Variants in ZKSCAN1 observed in about 807,000 individuals in gnomAD.
The protein encoded by ZKSCAN1 is zinc finger protein with KRAB and SCAN domains 1.
ZKSCAN1 carries 14 observed loss-of-function variants against 51.6 expected under a neutral mutation model. That is an observed-to-expected ratio of 0.27 (90% CI 0.18 to 0.42). The LOEUF (loss-of-function observed/expected upper bound fraction) is 0.42. ZKSCAN1 is among the 10% of genes least tolerant of loss of function. The probability of loss-of-function intolerance (pLI) is 1.00; values close to 1 mark genes in which losing one functional copy is unlikely to be tolerated. For missense variants in ZKSCAN1, 531 were observed against 710.0 expected, an observed-to-expected ratio of 0.75 and a Z score of 2.86; for synonymous variants, 263 against 261.5, an observed-to-expected ratio of 1.01 and a Z score of -0.06.
At chr7:100,022,007 G>A (rs1182197727) in intron 1 of ZKSCAN1, among the ~76,000 whole-genome samples, 2 of 152,000 alleles carry the variant, frequency 1.3e-5, no homozygotes, top group East Asian at 3.9e-4. Context: ...CCTCCCAAAG[G>A]GCTGGAATTA....
intron 1 of ZKSCAN1, among the ~76,000 whole-genome samples, chr7:100,016,137 C>A (rs1250881230): frequency 6.6e-6 from 1 of 152,130 alleles, no homozygotes; most frequent in Non-Finnish European, 1.5e-5. Flanking sequence ...GTCTTTTTCC[C>A]CCCCCGGTTC....
chr7:100,034,008 C>G lies in ZKSCAN1; in HGVS notation c.1503C>G (p.Asn501Lys), dbSNP rs1383246591. ...CSECGKAFNR[N>K]SYLILHRRIH... Reference sequence around the variant, plus strand: ...AATGTGGAAAAGCTTTCAACCGAAACTCATACCTGATTTTGCATCGGAGAA... The same window carrying G: ...AATGTGGAAAAGCTTTCAACCGAAAGTCATACCTGATTTTGCATCGGAGAA... The change falls in exon 6 of 6, where the codon AAC becomes AAG. Residue 501 changes from asparagine to lysine, a missense_variant. By Grantham distance (94) the Asn-to-Lys change is moderately conservative. Coordinates refer to ENST00000324306, the MANE Select transcript of ZKSCAN1 (RefSeq NM_003439.4). 1.2e-6 allele frequency: 2 copies of G among 1,614,210 alleles called. No individual in the cohort carries two copies. The highest frequency in any genetic ancestry group is 2.2e-5 in the East Asian group (1 of 44,888).
Position 100,033,200 on chromosome 7 carries a change from A to G in ZKSCAN1, c.800-105A>G. ...GGAAATAAAAATAAAAATATTGCAA[A>G]GTCATTTTGCAGCCGTGTAGAAGCT... On this transcript the variant is annotated intron_variant, in intron 5 of 5. Coordinates refer to ENST00000324306, the MANE Select transcript of ZKSCAN1 (RefSeq NM_003439.4). This position sits in a 1 kb window ranked among gnomAD's most constrained non-coding sequence, Gnocchi z 4.1. 2 of 1,451,928 alleles carry G rather than the reference A, an allele frequency of 1.4e-6. No homozygotes were observed. Among genetic ancestry groups the G allele is most frequent in the Admixed American group, 5.8e-5 (2 of 34,292 alleles). 89.9% of individuals were successfully genotyped at this position (1,451,928 alleles called of 1,614,324 possible).
In ZKSCAN1 at chr7:100,037,846, T is replaced by C; in HGVS notation, c.*3649T>C. On this transcript the variant is annotated 3_prime_UTR_variant, in exon 6 of 6. Transcript: ENST00000324306. ...GCCTGGCCAACATGGTGAAACCTTG[T>C]CTCTACTAAAAATACAAAAAAAAAT... 1 of 689,500 alleles carries C rather than the reference T, an allele frequency of 1.5e-6. No homozygotes were observed. The highest frequency in any genetic ancestry group is 1.8e-6 in the Non-Finnish European group (1 of 560,508). 42.7% of individuals were successfully genotyped at this position (689,500 alleles called of 1,614,324 possible).
At chr7:100,025,303 CAGAG>C (rs1004856225) in intron 3 of ZKSCAN1, among the ~76,000 whole-genome samples, 3 of 130,052 alleles carry the variant, frequency 2.3e-5, no homozygotes, top group African/African-American at 8.7e-5. Flanking sequence ...GCCTGGGTGA[CAGAG>C]AGTCTGTTTC....
intron 1 of ZKSCAN1, among the ~76,000 whole-genome samples, chr7:100,021,320 CGAT>C (rs2115833217): frequency 6.6e-6 from 1 of 151,794 alleles, no homozygotes; most frequent in East Asian, 1.9e-4. Context: ...CGGGGTTTCA[CGAT>C]GATGGCCAAG....
At chr7:100,024,375 G>A in intron 3 of ZKSCAN1, 68 bp downstream of exon 3, 1 of 1,557,832 alleles carries the variant, frequency 6.4e-7, no homozygotes, top group African/African-American at 1.4e-5. Context: ...GCTGCTGAGT[G>A]CCTGTGATGA....
rs376585197 is a variant in ZKSCAN1, at chr7:100,024,108, C to T, written c.427-46C>T. On this transcript the variant is annotated intron_variant, in intron 2 of 5. Coordinates refer to ENST00000324306, the MANE Select transcript of ZKSCAN1 (RefSeq NM_003439.4). ...GTCTGTTTTTAAATATTTTAATTCC[C>T]ATTTACAAAGTGATTTACCCACAAG... is the stretch of plus-strand genomic sequence containing the variant. 4.1e-5 allele frequency: 65 copies of T among 1,569,174 alleles called. No individual in the cohort carries two copies. The Middle Eastern group carries it at 5.1e-4, about 12-fold the overall frequency.
At position 100,040,139 on chromosome 7, in the gene ZKSCAN1, C is replaced by T; in HGVS notation, c.*5942C>T. The T allele has an allele frequency of 2.0e-6, 2 of 982,116 alleles. No individual in the cohort carries two copies. Among genetic ancestry groups the T allele is most frequent in the Non-Finnish European group, 1.2e-6 (1 of 826,964 alleles). 60.8% of individuals were successfully genotyped at this position (982,116 alleles called of 1,614,324 possible). On this transcript the variant is annotated 3_prime_UTR_variant, in exon 6 of 6. Transcript: ENST00000324306. ...GGGAGGTAAGCCATCTCCAACTCTG[C>T]AGGTCAAACGAAAGTTTGGGAAATA...
At position 100,039,427 on chromosome 7, in the gene ZKSCAN1, C is replaced by G; in HGVS notation, c.*5230C>G. 2 of 985,386 alleles carry G rather than the reference C, an allele frequency of 2.0e-6. No individual in the cohort carries two copies. The highest frequency in any genetic ancestry group is 2.4e-6 in the Non-Finnish European group (2 of 829,928). 61.0% of individuals were successfully genotyped at this position (985,386 alleles called of 1,614,324 possible). On this transcript the variant is annotated 3_prime_UTR_variant, in exon 6 of 6. Transcript: ENST00000324306. The stretch of plus-strand genomic sequence containing the variant: ...AGTCGTGGCATTGCAAGAAGTCTGT[C>G]TGATGAAGCTCGGGAAGCATTTTGC...
chr7:100,040,272 C>G lies in ZKSCAN1; in HGVS notation c.*6075C>G, dbSNP rs565857844. 261 of 985,322 alleles carry G rather than the reference C, an allele frequency of 2.6e-4. No homozygotes were observed. In the African/African-American group the frequency reaches 4.2e-3, roughly 16 times the overall value. 61.0% of individuals were successfully genotyped at this position (985,322 alleles called of 1,614,324 possible). ...CCCCAATCTCATGTTTTCCTGTTAC[C>G]CTAAAACAGTGGAAGGAAACTGGGT... On this transcript the variant is annotated 3_prime_UTR_variant, in exon 6 of 6. Transcript: ENST00000324306.
chr7:100,039,665 A>G lies in ZKSCAN1; in HGVS notation c.*5468A>G. 1.0e-6 allele frequency: 1 copy of G among 985,434 alleles called. No homozygotes were observed. The highest frequency in any genetic ancestry group is 1.2e-6 in the Non-Finnish European group (1 of 829,954). The allele number at this position is 985,434 out of a possible 1,614,324, so 61.0% of individuals were successfully genotyped here. A position where few individuals can be genotyped will look rare whatever the true frequency, so the allele number is the denominator to read the frequency against. ...CAGGTTCATCCTACCATCCTCATGGAAGACTGTGTGTATGAATTGGAGTAA... is the reference window on the plus strand; with the variant it reads ...CAGGTTCATCCTACCATCCTCATGGGAGACTGTGTGTATGAATTGGAGTAA... On this transcript the variant is annotated 3_prime_UTR_variant, in exon 6 of 6. Transcript: ENST00000324306.
intron 3 of ZKSCAN1, among the ~76,000 whole-genome samples, chr7:100,029,292 GTCTCACTC>G (rs1257902216): frequency 9.2e-5 from 14 of 152,086 alleles, no homozygotes; most frequent in African/African-American, 1.4e-4. Flanking sequence ...TTGAGACGGG[GTCTCACTC>G]TATCATCCAG....
chr7:100,036,079 A>G lies in ZKSCAN1; in HGVS notation c.*1882A>G, dbSNP rs142349639. The stretch of plus-strand genomic sequence containing the variant: ...ATTCACTGATCAGCAGCTAAAGTCC[A>G]TGAGACCAAATGGTTTTATATGGAA... On this transcript the variant is annotated 3_prime_UTR_variant, in exon 6 of 6. Coordinates refer to ENST00000324306, the MANE Select transcript of ZKSCAN1 (RefSeq NM_003439.4). The G allele has an allele frequency of 8.6e-5, 85 of 985,456 alleles. No individual in the cohort carries two copies. In the African/African-American group the frequency reaches 1.4e-3, roughly 16 times the overall value. The allele number at this position is 985,456 out of a possible 1,614,324, so 61.0% of individuals were successfully genotyped here. A position where few individuals can be genotyped will look rare whatever the true frequency, so the allele number is the denominator to read the frequency against.
chr7:100,038,183 G>A lies in ZKSCAN1; in HGVS notation c.*3986G>A, dbSNP rs547768179. The stretch of plus-strand genomic sequence containing the variant: ...TATATTTTATATGACCATAATGTCC[G>A]TGTGTGTTTTGTACCTTCAGTCCCT... On this transcript the variant is annotated 3_prime_UTR_variant, in exon 6 of 6. Transcript: ENST00000324306. 5.3e-5 allele frequency: 52 copies of A among 985,364 alleles called. No homozygotes were observed. The highest frequency in any genetic ancestry group is 4.7e-4 in the South Asian group (10 of 21,286). 61.0% of individuals were successfully genotyped at this position (985,364 alleles called of 1,614,324 possible). A position where few individuals can be genotyped will look rare whatever the true frequency, so the allele number is the denominator to read the frequency against.
chr7:100,044,680 CAA>C (rs59706759), downstream of ZKSCAN1: 56,550 of 399,860 alleles, frequency 0.14, 1,524 homozygotes, highest in Admixed American at 0.29. Flanking sequence ...GACTCTATCT[CAA>C]AAAAAAAAAA....
rs545315186 is a variant in ZKSCAN1 at position 100,037,800 on chromosome 7, G to A, written c.*3603G>A. On this transcript the variant is annotated 3_prime_UTR_variant, in exon 6 of 6. Coordinates refer to ENST00000324306, the MANE Select transcript of ZKSCAN1 (RefSeq NM_003439.4). ...TGGGAGGCCGAGGCAGGCGGATCAC[G>A]AGGTCAGTAGTTCGAGACCAGCCTG... 4.0e-4 allele frequency: 351 copies of A among 867,370 alleles called. No individual in the cohort carries two copies. In the African/African-American group the frequency reaches 5.9e-3, roughly 15 times the overall value. 53.7% of individuals were successfully genotyped at this position (867,370 alleles called of 1,614,324 possible).
At position 100,036,151 on chromosome 7, in the gene ZKSCAN1, C is replaced by G. The variant is rs1281932179; in HGVS notation, c.*1954C>G. On this transcript the variant is annotated 3_prime_UTR_variant, in exon 6 of 6. Transcript: ENST00000324306. ...CTGCACAGTGGTCATTCTTTGGCCT[C>G]TCCTTGGCTTTATGACTTAAACCAA... The G allele has an allele frequency of 1.0e-6, 1 of 985,286 alleles. No individual in the cohort carries two copies. Among genetic ancestry groups the G allele is most frequent in the African/African-American group, 1.7e-5 (1 of 57,232 alleles). 61.0% of individuals were successfully genotyped at this position (985,286 alleles called of 1,614,324 possible).
chr7:100,038,596 A>C lies in ZKSCAN1; in HGVS notation c.*4399A>C. On this transcript the variant is annotated 3_prime_UTR_variant, in exon 6 of 6. Transcript: ENST00000324306. Reference sequence around the variant, plus strand: ...TAGACGGTCTTCTCCATGAAGCGAGAGTAGGAAGTGTACTGGAATGGCCAA... The same window carrying C: ...TAGACGGTCTTCTCCATGAAGCGAGCGTAGGAAGTGTACTGGAATGGCCAA... 1.0e-6 allele frequency: 1 copy of C among 985,454 alleles called. No individual in the cohort carries two copies. The highest frequency in any genetic ancestry group is 1.7e-5 in the African/African-American group (1 of 57,356). 61.0% of individuals were successfully genotyped at this position (985,454 alleles called of 1,614,324 possible).
Sources: gnomAD v4.1 joint callset for allele counts (sites outside exome capture counted in the v4.1 genomes callset) on GRCh38, gnomAD v4.1.1 for gene constraint, Gnocchi (gnomAD v3.1) non-coding constraint, MANE v1.5 for transcripts, NCBI Gene and HGNC (gene_info 2026-07-23, HGNC 2026-07-21) for gene names.